Variants in WDR33 observed in about 807,000 individuals in gnomAD.
The protein encoded by WDR33 is pre-mRNA 3' end processing protein WDR33.
Under a neutral mutation model 164.9 loss-of-function variants are expected in WDR33, and 47 were observed. That is an observed-to-expected ratio of 0.29 (90% confidence interval 0.23 to 0.36). WDR33 has a LOEUF of 0.36. Ranked by LOEUF, WDR33 falls within the 10% of genes least tolerant of loss-of-function variation. WDR33 has a pLI of 1.00. For synonymous variants in WDR33, 505 were observed against 589.0 expected (o/e 0.86, Z 2.06); for missense variants, 1,137 against 1,754.1 (o/e 0.65, Z 6.28).
intron 1 of WDR33, among the ~76,000 whole-genome samples, chr2:127,802,473 G>T (rs756736467): frequency 2.0e-5 from 3 of 151,926 alleles, no homozygotes; most frequent in Non-Finnish European, 4.4e-5. Flanking sequence ...GTAGAGATGG[G>T]GTTTCACCAT....
chr2:127,711,751 G>GATATATATAGAT (rs1686170137), intron 18 of WDR33, among the ~76,000 whole-genome samples: 1 of 71,636 alleles, frequency 1.4e-5, no homozygotes, highest in African/African-American at 9.9e-5. Flanking sequence ...CACATATACA[G>GATATATATAGAT]ATATATATAT....
rs1276248713 is a variant in WDR33, at chr2:127,701,726, G to C, written c.*4597C>G. 5.1e-6 allele frequency: 7 copies of C among 1,381,322 alleles called. No homozygotes were observed. Among genetic ancestry groups the C allele is most frequent in the South Asian group, 1.6e-5 (1 of 64,426 alleles). 85.6% of individuals were successfully genotyped at this position (1,381,322 alleles called of 1,614,324 possible). A position where few individuals can be genotyped will look rare whatever the true frequency, so the allele number is the denominator to read the frequency against. ...CGGAGTCGGCAGCGGCCGGCCTGAC[G>C]TGCCTCCCGAGCGTGACGCGCGGGC... On this transcript the variant is annotated 3_prime_UTR_variant, in exon 22 of 22. Coordinates refer to ENST00000322313, the MANE Select transcript of WDR33 (RefSeq NM_018383.5).
chr2:127,788,166 T>C (rs1688670657), intron 1 of WDR33, among the ~76,000 whole-genome samples: 1 of 92,976 alleles, frequency 1.1e-5, no homozygotes, highest in Non-Finnish European at 2.1e-5. Context: ...GCCCCTCACC[T>C]CCCAGACGGG....
Position 127,764,739 on chromosome 2 carries a change from G to GC in WDR33, c.626+88dup. 1 of 1,614,104 alleles carries GC rather than the reference G, an allele frequency of 6.2e-7. No individual in the cohort carries two copies. The highest frequency in any genetic ancestry group is 1.1e-5 in the South Asian group (1 of 91,084). The stretch of plus-strand genomic sequence containing the variant: ...AGAAAGTTTCCCAGAAACTGACAGA[G>GC]CCCATGCATCTCTGCACCCAGAATA... On this transcript the variant is annotated intron_variant, in intron 6 of 21. Transcript: ENST00000322313. This position sits in a 1 kb window ranked among gnomAD's most constrained non-coding sequence, Gnocchi z 6.2.
intron 1 of WDR33, among the ~76,000 whole-genome samples, chr2:127,806,545 T>C (rs995259351): frequency 6.6e-5 from 10 of 152,146 alleles, no homozygotes; most frequent in Non-Finnish European, 1.0e-4. Flanking sequence ...GCCTTAGCTA[T>C]GAATTTAAAG....
intron 7 of WDR33, among the ~76,000 whole-genome samples, chr2:127,750,737 TATGC>T (rs1687328043): frequency 1.5e-5 from 1 of 67,012 alleles, no homozygotes; most frequent in East Asian, 3.5e-4. Context: ...CATATATATG[TATGC>T]ATACATATAT....
At chr2:127,781,772 G>T (rs1345796980) in intron 1 of WDR33, among the ~76,000 whole-genome samples, 1 of 151,708 alleles carries the variant, frequency 6.6e-6, no homozygotes, top group Non-Finnish European at 1.5e-5. Flanking sequence ...GCCGAGGTAG[G>T]CAGATCACCT....
intron 1 of WDR33, among the ~76,000 whole-genome samples, chr2:127,788,377 G>C (rs554425724): frequency 1.7e-5 from 2 of 118,002 alleles, no homozygotes; most frequent in East Asian, 5.5e-4. Context: ...CGGCCGGGCA[G>C]AGGCGCTCCT....
rs1686066773 is a variant in WDR33, at chr2:127,708,338, C to A, written c.3781+339G>T. Among the ~76,000 whole-genome samples, 1 of 152,360 alleles carries A rather than the reference C, an allele frequency of 6.6e-6. No individual in the cohort carries two copies. The highest frequency in any genetic ancestry group is 1.9e-4 in the East Asian group (1 of 5,188). ...CCCAGGAGAGGACAACTCTTCCCCT[C>A]CCACTGAGAGCCCTTGAGGGTTCCA... On this transcript the variant is annotated intron_variant, in intron 21 of 21. Coordinates refer to ENST00000322313, the MANE Select transcript of WDR33 (RefSeq NM_018383.5). This position sits in a 1 kb window ranked among gnomAD's most constrained non-coding sequence, Gnocchi z 6.7.
rs570651272 is a variant in WDR33, at chr2:127,706,055, TAAAA to T, written c.*264_*267del. On this transcript the variant is annotated 3_prime_UTR_variant, in exon 22 of 22. Transcript: ENST00000322313. The surrounding 1 kb of genome is among the most constrained non-coding windows in gnomAD (Gnocchi z 5.1). ...GAGATGCCCCATGTCTTGTGAGACT[TAAAA>T]AAAAGAAAAAGATCCCAGCTTTTAT... 453 of 377,062 alleles carry T rather than the reference TAAAA, an allele frequency of 1.2e-3. 3 individuals are homozygous for T. The highest frequency in any genetic ancestry group is 3.0e-3 in the Admixed American group (66 of 22,100). The allele number at this position is 377,062 out of a possible 1,614,324, so 23.4% of individuals were successfully genotyped here.
At chr2:127,737,287 A>C (rs1686873016) in intron 7 of WDR33, 2 of 985,440 alleles carry the variant, frequency 2.0e-6, no homozygotes, top group Non-Finnish European at 2.4e-6. Context: ...GACGGGAGAT[A>C]CCAGTGTCCC....
intron 1 of WDR33, among the ~76,000 whole-genome samples, chr2:127,802,186 C>T (rs781064559): frequency 8.6e-5 from 13 of 151,176 alleles, no homozygotes; most frequent in Non-Finnish European, 1.9e-4. Context: ...AAAATTAAGA[C>T]AGTAAAATTT....
intron 7 of WDR33, among the ~76,000 whole-genome samples, chr2:127,743,478 T>G (rs1035625135): frequency 6.6e-6 from 1 of 152,182 alleles, no homozygotes; most frequent in Non-Finnish European, 1.5e-5. Flanking sequence ...CTTGGTTCTG[T>G]TATCAATAGT....
chr2:127,762,731 C>G (rs902535033), intron 7 of WDR33: 73 of 1,059,214 alleles, frequency 6.9e-5, no homozygotes, highest in Non-Finnish European at 8.2e-5. Flanking sequence ...TAAATCAAAC[C>G]ACAGTGTCAA....
In WDR33 at chr2:127,708,939, G is replaced by A. The variant is rs749997190; in HGVS notation, c.3566-47C>T. ...CTTACAGGAAAGCACAGTGTGACCA[G>A]AAGTAGATGGGAATGACACTGTGAG... On this transcript the variant is annotated intron_variant, in intron 20 of 21. Coordinates refer to ENST00000322313, the MANE Select transcript of WDR33 (RefSeq NM_018383.5). This position sits in a 1 kb window ranked among gnomAD's most constrained non-coding sequence, Gnocchi z 6.7. 6 of 1,488,316 alleles carry A rather than the reference G, an allele frequency of 4.0e-6. No homozygotes were observed. In the South Asian group the frequency reaches 8.2e-5, roughly 20 times the overall value. 92.2% of individuals were successfully genotyped at this position (1,488,316 alleles called of 1,614,324 possible).
chr2:127,790,496 A>G (rs889004699), intron 1 of WDR33, among the ~76,000 whole-genome samples: 1 of 152,236 alleles, frequency 6.6e-6, no homozygotes, highest in Non-Finnish European at 1.5e-5. Context: ...GAGAGTATGT[A>G]GAATTGATAT....
Position 127,721,243 on chromosome 2 carries a change from G to C in WDR33, c.1671+593C>G, listed in dbSNP as rs911223274. On this transcript the variant is annotated intron_variant, in intron 15 of 21. Transcript: ENST00000322313. This position sits in a 1 kb window ranked among gnomAD's most constrained non-coding sequence, Gnocchi z 4.9. The stretch of plus-strand genomic sequence containing the variant: ...CTGCCTCAGCCGCCCATGTCACTGG[G>C]ACCACAGGCATGCACCACCATGCCC... Among the ~76,000 whole-genome samples, 3 of 152,090 alleles carry C rather than the reference G, an allele frequency of 2.0e-5. No homozygotes were observed. Among genetic ancestry groups the C allele is most frequent in the African/African-American group, 7.2e-5 (3 of 41,406 alleles).
At chr2:127,798,736 G>A (rs1016132525) in intron 1 of WDR33, among the ~76,000 whole-genome samples, 6 of 151,870 alleles carry the variant, frequency 4.0e-5, no homozygotes, top group Non-Finnish European at 7.4e-5. Flanking sequence ...TTAGAGATAC[G>A]ATGAACTGAA....
Position 127,764,247 on chromosome 2 carries a change from A to C in WDR33, c.626+581T>G. Reference sequence around the variant, plus strand: ...CAGTGAATCAGAAGAAAAGTCCTAGAGTCTTCTTGACAATGATCTGCTTAC... The same window carrying C: ...CAGTGAATCAGAAGAAAAGTCCTAGCGTCTTCTTGACAATGATCTGCTTAC... On this transcript the variant is annotated intron_variant, in intron 6 of 21. Transcript: ENST00000322313. The surrounding 1 kb of genome is among the most constrained non-coding windows in gnomAD (Gnocchi z 6.2). 8.5e-7 allele frequency: 1 copy of C among 1,171,924 alleles called. No homozygotes were observed. 72.6% of individuals were successfully genotyped at this position (1,171,924 alleles called of 1,614,324 possible). A position where few individuals can be genotyped will look rare whatever the true frequency, so the allele number is the denominator to read the frequency against.
Sources: gnomAD v4.1 joint callset for allele counts (sites outside exome capture counted in the v4.1 genomes callset) on GRCh38, gnomAD v4.1.1 for gene constraint, Gnocchi (gnomAD v3.1) non-coding constraint, MANE v1.5 for transcripts, NCBI Gene and HGNC (gene_info 2026-07-23, HGNC 2026-07-21) for gene names.